ANO1: variants seen among roughly 807,000 people sequenced by gnomAD.
ANO1 encodes the protein anoctamin-1.
ANO1 carries 59 observed loss-of-function variants against 124.0 expected under a neutral mutation model. The ratio of observed to expected loss-of-function variants is 0.48; its 90% CI spans 0.39 to 0.59. The LOEUF is 0.59. ANO1 is among the 20% of genes least tolerant of loss of function. The probability of loss-of-function intolerance (pLI) is 0.00; values close to 1 mark genes in which losing one functional copy is unlikely to be tolerated. For missense variants in ANO1, 1,059 were observed against 1,328.0 expected (o/e 0.80, Z 3.15); for synonymous variants, 529 against 532.0 (o/e 0.99, Z 0.08).
intron 1 of ANO1, among the ~76,000 whole-genome samples, chr11:70,061,984 A>G (rs955108805): frequency 2.0e-5 from 3 of 151,008 alleles, no homozygotes; most frequent in Admixed American, 6.6e-5. Flanking sequence ...TAATTCATAG[A>G]CTTTGTGTGA....
intron 1 of ANO1, among the ~76,000 whole-genome samples, chr11:69,995,504 GT>G (rs1473475623): frequency 6.6e-6 from 1 of 152,100 alleles, no homozygotes; most frequent in Non-Finnish European, 1.5e-5. Context: ...AGTGCATTTA[GT>G]CCTCATGACT....
chr11:70,077,754 T>C (rs2135158720), upstream of ANO1, among the ~76,000 whole-genome samples: 1 of 152,238 alleles, frequency 6.6e-6, no homozygotes, highest in African/African-American at 2.4e-5. Context: ...TTAAATGAGA[T>C]GATACACACT....
chr11:70,165,947 G>C (rs2048239311), intron 20 of ANO1, among the ~76,000 whole-genome samples: 1 of 152,112 alleles, frequency 6.6e-6, no homozygotes, highest in South Asian at 2.1e-4. Flanking sequence ...TGGAGCCCAG[G>C]AGTTGCAAGC....
intron 1 of ANO1, among the ~76,000 whole-genome samples, chr11:70,010,156 T>TGC (rs1565159640): frequency 1.5e-5 from 1 of 64,596 alleles, no homozygotes; most frequent in East Asian, 1.2e-3. Flanking sequence ...TGTGTGTGTG[T>TGC]GTGTGTGTGC....
chr11:70,163,513 A>G (rs1468178869), intron 19 of ANO1, 173 bp downstream of exon 19: 2 of 760,646 alleles, frequency 2.6e-6, no homozygotes, highest in Admixed American at 4.1e-5. Flanking sequence ...GTGGGCTTTA[A>G]TCTTATCTGG....
intron 1 of ANO1, among the ~76,000 whole-genome samples, chr11:70,006,590 T>C (rs113551186): frequency 6.6e-6 from 1 of 151,584 alleles, no homozygotes; most frequent in African/African-American, 2.4e-5. Context: ...TTACTTACTT[T>C]CTTTCTTTCC....
intron 1 of ANO1, among the ~76,000 whole-genome samples, chr11:70,047,737 A>C (rs782511661): frequency 6.6e-5 from 10 of 152,206 alleles, no homozygotes; most frequent in Non-Finnish European, 1.3e-4. Context: ...AAGACCCAGA[A>C]ATATCTCAAA....
intron 1 of ANO1, among the ~76,000 whole-genome samples, chr11:70,059,330 G>A (rs189838516): frequency 1.9e-4 from 23 of 123,128 alleles, no homozygotes; most frequent in Non-Finnish European, 2.7e-4. Context: ...TAGCCTGGGC[G>A]ACAGAGCGAG....
At chr11:70,027,707 C>T (rs1350479609) in intron 1 of ANO1, among the ~76,000 whole-genome samples, 1 of 152,200 alleles carries the variant, frequency 6.6e-6, no homozygotes, top group Middle Eastern at 3.2e-3. Flanking sequence ...GCAGGAGGCA[C>T]TGTTGTGGCC....
the ANO1 span, among the ~76,000 whole-genome samples, chr11:69,975,743 A>G: frequency 2.6e-5 from 4 of 152,236 alleles, no homozygotes; most frequent in Non-Finnish European, 4.4e-5. Context: ...TTGAAACCAG[A>G]GCTCACCAGC....
chr11:70,165,103 C>T (rs776636310), intron 19 of ANO1, among the ~76,000 whole-genome samples: 3 of 152,138 alleles, frequency 2.0e-5, no homozygotes, highest in Non-Finnish European at 4.4e-5. Context: ...ACCTGCCTTG[C>T]CTCTCCCAGC....
intron 2 of ANO1, among the ~76,000 whole-genome samples, chr11:70,098,283 G>C (rs147285916): frequency 3.3e-5 from 5 of 152,334 alleles, no homozygotes; most frequent in South Asian, 2.1e-4. Context: ...GTGGGTGCTC[G>C]AGGGCCTTCG....
intron 1 of ANO1, among the ~76,000 whole-genome samples, chr11:70,042,687 G>A (rs1857202853): frequency 6.6e-6 from 1 of 152,172 alleles, no homozygotes; most frequent in Non-Finnish European, 1.5e-5. Context: ...CAGCACTTCT[G>A]AGGGCTTACA....
At chr11:70,020,254 C>T (rs1223773879) in intron 1 of ANO1, among the ~76,000 whole-genome samples, 2 of 152,210 alleles carry the variant, frequency 1.3e-5, no homozygotes, top group African/African-American at 4.8e-5. Context: ...CTGCCAGTTC[C>T]TGCCCAACAG....
chr11:70,054,921 T>C (rs1307838093), intron 1 of ANO1, among the ~76,000 whole-genome samples: 5 of 152,236 alleles, frequency 3.3e-5, no homozygotes, highest in Non-Finnish European at 7.3e-5. Flanking sequence ...TAGCTACATA[T>C]GATGATACCA....
chr11:70,165,021 A>T (rs1041445092), intron 19 of ANO1, among the ~76,000 whole-genome samples: 1 of 152,106 alleles, frequency 6.6e-6, no homozygotes, highest in African/African-American at 2.4e-5. Context: ...GGGGTCTCAC[A>T]GTTCTGAAGG....
intron 11 of ANO1, among the ~76,000 whole-genome samples, chr11:70,147,971 GT>G (rs2047447439): frequency 6.6e-6 from 1 of 152,134 alleles, no homozygotes; most frequent in African/African-American, 2.4e-5. Flanking sequence ...TCGGCGGGGG[GT>G]TCCTATTTCC....
chr11:70,011,779 C>A (rs1220680689), intron 1 of ANO1, among the ~76,000 whole-genome samples: 1 of 152,214 alleles, frequency 6.6e-6, no homozygotes, highest in African/African-American at 2.4e-5. Context: ...CTCATTCTTG[C>A]AGCATCCACG....
At chr11:70,028,848 C>A (rs147922090) in intron 1 of ANO1, among the ~76,000 whole-genome samples, 1 of 152,290 alleles carries the variant, frequency 6.6e-6, no homozygotes, top group East Asian at 1.9e-4. Context: ...ATGGTACGAC[C>A]TCAACTCACT....
Sources: allele counts gnomAD v4.1 joint callset (sites outside exome capture counted in the v4.1 genomes callset), GRCh38; gene constraint gnomAD v4.1.1; transcripts MANE v1.5; gene names NCBI Gene and HGNC (gene_info 2026-07-23, HGNC 2026-07-21).